MCC: variants seen among roughly 807,000 people sequenced by gnomAD.
MCC encodes MCC regulator of Wnt signaling pathway.
Under a neutral mutation model 116.2 loss-of-function variants are expected in MCC, and 90 were observed. The ratio of observed to expected loss-of-function variants is 0.77; its 90% CI spans 0.65 to 0.92. The LOEUF is 0.92. Among genes scored for constraint, MCC ranks in the 40% least tolerant of loss-of-function variants. MCC has a pLI of 0.00. For missense variants in MCC, 1,516 were observed against 1,312.2 expected (o/e 1.16, Z -2.40); for synonymous variants, 578 against 510.5 (o/e 1.13, Z -1.78).
intron 1 of MCC, chr5:113,436,073 C>G (rs1418710691): frequency 1.3e-5 from 2 of 152,372 alleles, no homozygotes; most frequent in Non-Finnish European, 2.9e-5. Context: ...AGTGAGAACT[C>G]CTTCCTCACA....
At chr5:113,466,311 C>A (rs1346940353) in intron 1 of MCC, among the ~76,000 whole-genome samples, 1 of 150,998 alleles carries the variant, frequency 6.6e-6, no homozygotes, top group Non-Finnish European at 1.5e-5. Context: ...TTAGGTATAT[C>A]TCCTAATGCT....
At chr5:113,364,301 T>C (rs2150386520) in intron 2 of MCC, among the ~76,000 whole-genome samples, 1 of 126,098 alleles carries the variant, frequency 7.9e-6, no homozygotes, top group African/African-American at 3.1e-5. Context: ...CCCATGCAAG[T>C]CCAAAACCCA....
At chr5:113,294,239 T>C (rs1232013808) in intron 3 of MCC, 5 of 1,533,974 alleles carry the variant, frequency 3.3e-6, no homozygotes, top group Non-Finnish European at 4.5e-6. Flanking sequence ...GGGGATAGGG[T>C]GTAGGGCTGT....
At chr5:113,353,222 T>G (rs1768326404) in intron 2 of MCC, among the ~76,000 whole-genome samples, 2 of 152,236 alleles carry the variant, frequency 1.3e-5, no homozygotes, top group South Asian at 4.1e-4. Context: ...ACTTACTGAG[T>G]TCTCGAACAA....
At chr5:113,483,818 CAAAG>C (rs2150437064) in intron 1 of MCC, among the ~76,000 whole-genome samples, 1 of 151,904 alleles carries the variant, frequency 6.6e-6, no homozygotes, top group South Asian at 2.1e-4. Flanking sequence ...ATAGACCAGA[CAAAG>C]AAAGTGTGGT....
intron 2 of MCC, among the ~76,000 whole-genome samples, chr5:113,364,424 C>T (rs1023668009): frequency 6.6e-6 from 1 of 152,204 alleles, no homozygotes; most frequent in African/African-American, 2.4e-5. Context: ...GGCAGCTCTG[C>T]CCCTACAGCT....
At chr5:113,472,971 G>GT (rs1411249547) in intron 1 of MCC, among the ~76,000 whole-genome samples, 1 of 152,216 alleles carries the variant, frequency 6.6e-6, no homozygotes, top group Non-Finnish European at 1.5e-5. Flanking sequence ...AACGCATGAT[G>GT]TCAGGTAGTG....
At chr5:113,117,690 A>G (rs904156718) in intron 6 of MCC, among the ~76,000 whole-genome samples, 1 of 152,252 alleles carries the variant, frequency 6.6e-6, no homozygotes, top group African/African-American at 2.4e-5. Flanking sequence ...TTGCGTTAAC[A>G]GAGGTGGGGA....
intron 3 of MCC, among the ~76,000 whole-genome samples, chr5:113,211,056 T>C (rs954831611): frequency 2.0e-5 from 3 of 152,228 alleles, no homozygotes; most frequent in Non-Finnish European, 2.9e-5. Context: ...ATGCTATCAA[T>C]TGACTGAGTC....
At chr5:113,130,582 T>C (rs1758363611) in intron 5 of MCC, among the ~76,000 whole-genome samples, 1 of 152,146 alleles carries the variant, frequency 6.6e-6, no homozygotes, top group South Asian at 2.1e-4. Flanking sequence ...ATATTGGAGA[T>C]GGAGTCTAGT....
intron 3 of MCC, among the ~76,000 whole-genome samples, chr5:113,178,253 A>G (rs1761438729): frequency 6.6e-6 from 1 of 152,218 alleles, no homozygotes; most frequent in African/African-American, 2.4e-5. Context: ...CCTGTTATGG[A>G]ACCAGATAAG....
At chr5:113,041,079 A>C (rs1411086975) in intron 17 of MCC, among the ~76,000 whole-genome samples, 2 of 152,234 alleles carry the variant, frequency 1.3e-5, no homozygotes, top group African/African-American at 4.8e-5. Context: ...TTCCCGCCCC[A>C]AGCAGAGCAA....
intron 6 of MCC, among the ~76,000 whole-genome samples, chr5:113,116,232 G>A (rs1048745713): frequency 5.3e-5 from 8 of 152,218 alleles, no homozygotes; most frequent in Non-Finnish European, 8.8e-5. Context: ...ACGCCACCAG[G>A]AGGAGGGGGA....
chr5:113,452,264 C>T (rs1264898014), intron 1 of MCC, among the ~76,000 whole-genome samples: 1 of 152,138 alleles, frequency 6.6e-6, no homozygotes, highest in African/African-American at 2.4e-5. Flanking sequence ...ACAAGGAAGC[C>T]ACATGCATAT....
intron 3 of MCC, among the ~76,000 whole-genome samples, chr5:113,293,467 G>T (rs1166631655): frequency 2.6e-5 from 4 of 152,166 alleles, no homozygotes; most frequent in African/African-American, 9.7e-5. Flanking sequence ...CAAGCCTCTA[G>T]CTGTAGACAC....
At chr5:113,184,323 T>G (rs572604996) in intron 3 of MCC, among the ~76,000 whole-genome samples, 1 of 152,288 alleles carries the variant, frequency 6.6e-6, no homozygotes, top group South Asian at 2.1e-4. Flanking sequence ...ACTCAACTGG[T>G]TTTCCATATG....
At chr5:113,426,951 A>G (rs1458622250) in intron 1 of MCC, among the ~76,000 whole-genome samples, 1 of 152,044 alleles carries the variant, frequency 6.6e-6, no homozygotes, top group Non-Finnish European at 1.5e-5. Flanking sequence ...AATCCACAAA[A>G]CTCATCCTCA....
chr5:113,206,226 C>G (rs1403209887), intron 3 of MCC, among the ~76,000 whole-genome samples: 2 of 152,192 alleles, frequency 1.3e-5, no homozygotes, highest in Non-Finnish European at 1.5e-5. Context: ...TACTGAGTGC[C>G]CTGGTCCTCG....
chr5:113,399,994 A>C (rs899167085), intron 1 of MCC: 1 of 152,216 alleles, frequency 6.6e-6, no homozygotes, highest in Non-Finnish European at 1.5e-5. Context: ...CAGCATCTGC[A>C]AACAAGTGAA....
Sources: allele counts gnomAD v4.1 joint callset (sites outside exome capture counted in the v4.1 genomes callset), GRCh38; gene constraint gnomAD v4.1.1; transcripts MANE v1.5; gene names NCBI Gene and HGNC (gene_info 2026-07-23, HGNC 2026-07-21).